Variants in SNAP91 observed in about 807,000 individuals in gnomAD.
SNAP91 encodes clathrin coat assembly protein AP180.
A neutral mutation model predicts 100.3 loss-of-function variants in SNAP91; 27 were observed. The ratio of observed to expected loss-of-function variants is 0.27; its 90% CI spans 0.20 to 0.37. The LOEUF (loss-of-function observed/expected upper bound fraction) is 0.37. Ranked by LOEUF, SNAP91 falls within the 10% of genes least tolerant of loss-of-function variation. SNAP91 has a pLI of 1.00. For missense variants in SNAP91, 986 were observed against 1,123.7 expected, an observed-to-expected ratio of 0.88 and a Z score of 1.75; for synonymous variants, 404 against 398.6, an observed-to-expected ratio of 1.01 and a Z score of -0.16.
intron 7 of SNAP91, among the ~76,000 whole-genome samples, chr6:83,652,926 T>C (rs2098265058): frequency 6.6e-6 from 1 of 152,196 alleles, no homozygotes; most frequent in African/African-American, 2.4e-5. Flanking sequence ...CACTTCTTGT[T>C]TGCATGGTTT....
chr6:83,662,941 C>A (rs1220456832), intron 3 of SNAP91, among the ~76,000 whole-genome samples: 1 of 152,042 alleles, frequency 6.6e-6, no homozygotes, highest in African/African-American at 2.4e-5. Context: ...AGGGATGAGC[C>A]AGTCTATCAG....
chr6:83,704,691 T>TC (rs2099357023), intron 2 of SNAP91, among the ~76,000 whole-genome samples: 1 of 144,544 alleles, frequency 6.9e-6, no homozygotes. Context: ...TCCAATACCT[T>TC]TAAAAAAAAA....
rs543122412 is a variant in SNAP91, at chr6:83,602,052, A to G, written c.1142-453T>C. On this transcript the variant is annotated intron_variant, in intron 14 of 29. Transcript: ENST00000369694. ...ATGTATAAAAAGAAACTGTTTTCCC[A>G]TGTCTAAAATATACAGACACACAAC... Among the ~76,000 whole-genome samples, 19 of 152,290 alleles carry G rather than the reference A, an allele frequency of 1.2e-4. No homozygotes were observed. The East Asian group carries it at 3.1e-3, about 25-fold the overall frequency.
chr6:83,621,185 T>C (rs779024201), intron 9 of SNAP91, among the ~76,000 whole-genome samples: 18 of 152,112 alleles, frequency 1.2e-4, no homozygotes, highest in Non-Finnish European at 1.9e-4. Context: ...AATGTTTAGC[T>C]CCCACTTATA....
In SNAP91 at chr6:83,553,436, T is replaced by C. The variant is rs933351196; in HGVS notation, c.*860A>G. ...TGCAGTAATCTTTAAATTACAGATA[T>C]ACCTTGGGGTGCCTTCAGAATCACT... is the stretch of plus-strand genomic sequence containing the variant. On this transcript the variant is annotated 3_prime_UTR_variant, in exon 30 of 30. Coordinates refer to ENST00000369694, the MANE Select transcript of SNAP91 (RefSeq NM_001242792.2). 2 of 152,162 alleles carry C rather than the reference T, an allele frequency of 1.3e-5. No homozygotes were observed. Among genetic ancestry groups the C allele is most frequent in the Non-Finnish European group, 2.9e-5 (2 of 68,018 alleles). 9.4% of individuals were successfully genotyped at this position (152,162 alleles called of 1,614,324 possible).
intron 2 of SNAP91, among the ~76,000 whole-genome samples, chr6:83,668,060 G>T (rs2098719409): frequency 6.6e-6 from 1 of 152,140 alleles, no homozygotes; most frequent in African/African-American, 2.4e-5. Context: ...CATTTATGCA[G>T]CCAACAGACA....
At chr6:83,646,943 T>G (rs959535641) in intron 7 of SNAP91, among the ~76,000 whole-genome samples, 2 of 152,132 alleles carry the variant, frequency 1.3e-5, no homozygotes, top group African/African-American at 4.8e-5. Context: ...TTTTAGGGAG[T>G]GCTGATGTTA....
At chr6:83,585,023 T>C (rs1460025444) in intron 22 of SNAP91, among the ~76,000 whole-genome samples, 2 of 152,178 alleles carry the variant, frequency 1.3e-5, no homozygotes, top group African/African-American at 4.8e-5. Flanking sequence ...TATTAAGTGA[T>C]ATAAAAGGAC....
intron 26 of SNAP91, among the ~76,000 whole-genome samples, chr6:83,569,630 T>C (rs1374891068): frequency 2.0e-5 from 3 of 152,184 alleles, no homozygotes; most frequent in East Asian, 1.9e-4. Flanking sequence ...ACCTGGATGA[T>C]ATGGTTTGGC....
At chr6:83,558,822 C>T (rs1190129090) in intron 28 of SNAP91, among the ~76,000 whole-genome samples, 3 of 152,122 alleles carry the variant, frequency 2.0e-5, no homozygotes, top group Non-Finnish European at 4.4e-5. Context: ...CCTGCCCATC[C>T]AAGTCAATTT....
intron 2 of SNAP91, among the ~76,000 whole-genome samples, chr6:83,673,542 C>A (rs909164590): frequency 6.6e-6 from 1 of 152,210 alleles, no homozygotes; most frequent in African/African-American, 2.4e-5. Flanking sequence ...GTACCTCCCT[C>A]CCTTCCTTGA....
At position 83,697,451 on chromosome 6, in the gene SNAP91, T is replaced by C. The variant is rs989988165; in HGVS notation, c.130+10347A>G. 2.0e-5 allele frequency among the ~76,000 whole-genome samples: 3 copies of C among 151,972 alleles called. No homozygotes were observed. The East Asian group carries it at 5.8e-4, about 29-fold the overall frequency. The stretch of plus-strand genomic sequence containing the variant: ...TGGTATGTACTGAGAGAAGTCCACA[T>C]ATGCTTTAAATTCACAACCCAAAAA... On this transcript the variant is annotated intron_variant, in intron 2 of 29. Transcript: ENST00000369694.
chr6:83,570,907 C>T (rs1458063931), intron 26 of SNAP91, among the ~76,000 whole-genome samples: 2 of 152,126 alleles, frequency 1.3e-5, no homozygotes, highest in Non-Finnish European at 2.9e-5. Flanking sequence ...CACAGAGTCC[C>T]TACTGGGGCA....
At chr6:83,708,210 C>T (rs1588458951) in intron 1 of SNAP91, 1 of 398,022 alleles carries the variant, frequency 2.5e-6, no homozygotes, top group East Asian at 5.1e-5. Context: ...TCCCCATTCT[C>T]CCCCGGCCCC....
chr6:83,691,375 T>C (rs2099128190), intron 2 of SNAP91, among the ~76,000 whole-genome samples: 2 of 152,190 alleles, frequency 1.3e-5, no homozygotes, highest in South Asian at 2.1e-4. Flanking sequence ...AATTCTGTTA[T>C]ATGGTTCTAC....
At chr6:83,697,144 A>C (rs915210355) in intron 2 of SNAP91, among the ~76,000 whole-genome samples, 3 of 152,146 alleles carry the variant, frequency 2.0e-5, no homozygotes, top group Admixed American at 1.3e-4. Context: ...AATTAATAGT[A>C]TCACCAATAA....
intron 1 of SNAP91, chr6:83,708,400 G>A (rs1454206346): frequency 6.3e-6 from 1 of 157,766 alleles, no homozygotes; most frequent in Non-Finnish European, 1.4e-5. Flanking sequence ...GCAGGCTTCG[G>A]GGAATGCATC....
chr6:83,625,655 T>C (rs915456782), intron 8 of SNAP91, among the ~76,000 whole-genome samples: 1 of 152,184 alleles, frequency 6.6e-6, no homozygotes, highest in African/African-American at 2.4e-5. Flanking sequence ...CATTTTTTCA[T>C]GTTTGTTGGC....
intron 8 of SNAP91, among the ~76,000 whole-genome samples, chr6:83,631,568 C>T (rs772379151): frequency 1.2e-4 from 18 of 152,040 alleles, no homozygotes; most frequent in Non-Finnish European, 1.2e-4. Context: ...TCCTGTTGGA[C>T]GAGACTTTTA....
Sources: gnomAD v4.1 joint callset for allele counts (sites outside exome capture counted in the v4.1 genomes callset) on GRCh38, gnomAD v4.1.1 for gene constraint, MANE v1.5 for transcripts, NCBI Gene and HGNC (gene_info 2026-07-23, HGNC 2026-07-21) for gene names.